The following OTP variants were observed in gnomAD, a reference collection of about 807,000 sequenced individuals.
OTP encodes the protein orthopedia homeobox, also known as homeobox protein orthopedia.
OTP carries 5 observed loss-of-function variants against 22.3 expected under a neutral mutation model. The ratio of observed to expected loss-of-function variants is 0.22; its 90% CI spans 0.12 to 0.47. The LOEUF (loss-of-function observed/expected upper bound fraction) is 0.47, where lower values mean the gene tolerates loss of function less well. Among genes scored for constraint, OTP ranks in the 20% least tolerant of loss-of-function variants. The pLI is 0.99. For missense variants in OTP, 428 were observed against 456.2 expected, an observed-to-expected ratio of 0.94 and a Z score of 0.56; for synonymous variants, 229 against 210.6, an observed-to-expected ratio of 1.09 and a Z score of -0.76.
chr5:77,637,094 C>A lies in OTP; in HGVS notation c.174G>T (p.Leu58=), dbSNP rs1440812317. 1.2e-6 allele frequency: 2 copies of A among 1,612,946 alleles called. No homozygotes were observed. Among genetic ancestry groups the A allele is most frequent in the African/African-American group, 1.3e-5 (1 of 74,940 alleles). ...CCACTGTGGTGATGTCCTCCCCGGG[C>A]AGCAGAGTGGCTCCCTCCACTGGGT... ...NSDPVEGATL[L]PGEDITTVGS... Residue 58 remains leucine (L), a synonymous_variant, in exon 2 of 3, where the codon CTG becomes CTT. Transcript: ENST00000306422.
At position 77,636,988 on chromosome 5, in the gene OTP, G is replaced by A; in HGVS notation, c.280C>T (p.Gln94Ter). The A allele has an allele frequency of 6.2e-7, 1 of 1,613,830 alleles. No individual in the cohort carries two copies. The highest frequency in any genetic ancestry group is 8.5e-7 in the Non-Finnish European group (1 of 1,179,930). The change falls in exon 2 of 3, where the codon CAA becomes TAA. Residue 94 changes from glutamine (Q) to a stop codon, truncating the protein, a stop_gained. Coordinates refer to ENST00000306422, the MANE Select transcript of OTP (RefSeq NM_032109.3). LOFTEE classifies it high-confidence loss of function. Reference sequence around the variant, plus strand: ...TGTTGGCCCTGCTGCTGGCCGGCTTGGCTGGGGTTCGGGCCGCCCTGGGGC... The same window carrying A: ...TGTTGGCCCTGCTGCTGGCCGGCTTAGCTGGGGTTCGGGCCGCCCTGGGGC... ...PGPQGGPNPS[Q>*]AGQQQGQQKQ...
rs1744903775 is a variant in OTP, at chr5:77,630,233, TGGGGGCGGAGCGGGCC to T, written c.*15_*30del. 3 of 1,452,334 alleles carry T rather than the reference TGGGGGCGGAGCGGGCC, an allele frequency of 2.1e-6. No individual in the cohort carries two copies. Among genetic ancestry groups the T allele is most frequent in the Non-Finnish European group, 2.7e-6 (3 of 1,101,392 alleles). The allele number at this position is 1,452,334 out of a possible 1,614,324, so 90.0% of individuals were successfully genotyped here. A position where few individuals can be genotyped will look rare whatever the true frequency, so the allele number is the denominator to read the frequency against. On this transcript the variant is annotated 3_prime_UTR_variant, in exon 3 of 3. Coordinates refer to ENST00000306422, the MANE Select transcript of OTP (RefSeq NM_032109.3). ...CTCGGGGCGGCCCCCGGGGCGGTGC[TGGGGGCGGAGCGGGCC>T]GGGGCGCGGCTGCATTAAGTGAAGC... is the stretch of plus-strand genomic sequence containing the variant.
At position 77,636,826 on chromosome 5, in the gene OTP, C is replaced by G. The variant is rs1469241933; in HGVS notation, c.442G>C (p.Val148Leu). ...AGATCCCAAGCCCCTCGTACCTGCACTCGGGACTCGGTCAGCCCGATACGC... is the reference window on the plus strand; with the variant it reads ...AGATCCCAAGCCCCTCGTACCTGCAGTCGGGACTCGGTCAGCCCGATACGC... ...ALRIGLTESR[V>L]QVWFQNRRAK... Residue 148 changes from valine (V) to leucine (L), a missense_variant, in exon 2 of 3, where the codon GTG becomes CTG. Val to Leu is a conservative substitution (Grantham distance 32). Transcript: ENST00000306422. 6.2e-7 allele frequency: 1 copy of G among 1,609,352 alleles called. No individual in the cohort carries two copies. Among genetic ancestry groups the G allele is most frequent in the Non-Finnish European group, 8.5e-7 (1 of 1,177,006 alleles).
chr5:77,637,987 G>A (rs982916533), intron 1 of OTP, among the ~76,000 whole-genome samples: 4 of 152,124 alleles, frequency 2.6e-5, no homozygotes, highest in Non-Finnish European at 4.4e-5. Context: ...GAAGAGGGGG[G>A]GATGACTGTG....
rs114201735 is a variant in OTP at position 77,633,302 on chromosome 5, A to G, written c.448-2508T>C. ...AATAATCGGAAAATCGTGCTCAATT[A>G]TGTTTGAGGGTTAGTAGTCAAATGA... On this transcript the variant is annotated intron_variant, in intron 2 of 2. Transcript: ENST00000306422. Among the ~76,000 whole-genome samples the G allele has an allele frequency of 4.6e-3, 703 of 152,266 alleles. 11 individuals are homozygous for G. The highest frequency in any genetic ancestry group is 0.016 in the African/African-American group (678 of 41,538).
In OTP at chr5:77,630,628, T is replaced by C. The variant is rs1243102631; in HGVS notation, c.614A>G (p.Asn205Ser). ...MGDSLCSFHA[N>S]DTRWAAAAMP... ...GGCGGCCGCCGCCCAGCGGGTGTCG[T>C]TGGCGTGGAAAGAGCACAGGCTGTC... The change falls in exon 3 of 3, where the codon AAC becomes AGC. Residue 205 changes from asparagine (N) to serine (S), a missense_variant. This residue lies in a region of OTP where 236 missense variants were observed against 238.1 expected (regional missense o/e 0.99). Coordinates refer to ENST00000306422, the MANE Select transcript of OTP (RefSeq NM_032109.3). The C allele has an allele frequency of 6.4e-7, 1 of 1,561,122 alleles. No individual in the cohort carries two copies. Among genetic ancestry groups the C allele is most frequent in the African/African-American group, 1.4e-5 (1 of 73,706 alleles).
chr5:77,630,552 C>T lies in OTP; in HGVS notation c.690G>A (p.Gln230=). Residue 230 remains glutamine (Q), a synonymous_variant, in exon 3 of 3, where the codon CAG becomes CAA. Coordinates refer to ENST00000306422, the MANE Select transcript of OTP (RefSeq NM_032109.3). ...ACTGGGACAGCGACTGCGCCATGGC[C>T]TGCTGCCTGCCCAGCGCCGGCGGCA... ...LPLPPALGRQ[Q]AMAQSLSQCS... is the part of the protein sequence containing the mutation. 1 of 1,572,956 alleles carries T rather than the reference C, an allele frequency of 6.4e-7. No individual in the cohort carries two copies. Among genetic ancestry groups the T allele is most frequent in the Non-Finnish European group, 8.6e-7 (1 of 1,163,100 alleles).
rs201543714 is a variant in OTP at position 77,630,256 on chromosome 5, C to T, written c.*8G>A. ...GCTGGGGGCGGAGCGGGCCGGGGCG[C>T]GGCTGCATTAAGTGAAGCTCATAGA... On this transcript the variant is annotated 3_prime_UTR_variant, in exon 3 of 3. Coordinates refer to ENST00000306422, the MANE Select transcript of OTP (RefSeq NM_032109.3). 206 of 1,506,684 alleles carry T rather than the reference C, an allele frequency of 1.4e-4. No homozygotes were observed. The African/African-American group carries it at 2.7e-3, about 20-fold the overall frequency. 93.3% of individuals were successfully genotyped at this position (1,506,684 alleles called of 1,614,324 possible). A position where few individuals can be genotyped will look rare whatever the true frequency, so the allele number is the denominator to read the frequency against.
chr5:77,632,932 A>C (rs2279010), intron 2 of OTP, among the ~76,000 whole-genome samples: 72,877 of 151,908 alleles, frequency 0.48, 17,705 homozygotes, highest in African/African-American at 0.52. Context: ...CCTAAGGCCG[A>C]AAGTCGCTGT....
At chr5:77,633,009 C>T (rs182429319) in intron 2 of OTP, among the ~76,000 whole-genome samples, 1 of 152,260 alleles carries the variant, frequency 6.6e-6, no homozygotes, top group East Asian at 1.9e-4. Context: ...AAACGGTTCC[C>T]ACACCTTACA....
chr5:77,636,606 C>G (rs1745011213), intron 2 of OTP: 1 of 524,844 alleles, frequency 1.9e-6, no homozygotes, highest in Non-Finnish European at 3.3e-6. Flanking sequence ...TCCGGGATGT[C>G]GCTATACTGG....
chr5:77,631,611 T>G (rs566695803), intron 2 of OTP, among the ~76,000 whole-genome samples: 2 of 135,380 alleles, frequency 1.5e-5, no homozygotes, highest in South Asian at 2.4e-4. Context: ...CAGGTTGGAG[T>G]GCAGTGGCAC....
Position 77,630,301 on chromosome 5 carries a change from T to C in OTP, c.941A>G (p.Lys314Arg). The change falls in exon 3 of 3, where the codon AAG (lysine) becomes AGG (arginine). Residue 314 changes from lysine to arginine, a missense_variant. Physicochemically the swap from Lys to Arg is conservative, Grantham distance 26. This residue lies in a region of OTP where 236 missense variants were observed against 238.1 expected (regional missense o/e 0.99). Coordinates refer to ENST00000306422, the MANE Select transcript of OTP (RefSeq NM_032109.3). ...CATAGAGACTGTGTGCTCTAGCGCC[T>C]TGCGGCGGAGGGAGGCGATGCTGGT... is the stretch of plus-strand genomic sequence containing the variant. Reference protein sequence around the residue: ...RGTSIASLRRKALEHTVSMSF... With the variant: ...RGTSIASLRRRALEHTVSMSF... 1.3e-6 allele frequency: 2 copies of C among 1,564,038 alleles called. No individual in the cohort carries two copies. Among genetic ancestry groups the C allele is most frequent in the Non-Finnish European group, 1.7e-6 (2 of 1,157,788 alleles).
Position 77,629,327 on chromosome 5 carries a change from C to G in OTP, c.*937G>C, listed in dbSNP as rs1175598058. 6.6e-6 allele frequency: 1 copy of G among 152,256 alleles called. No homozygotes were observed. Among genetic ancestry groups the G allele is most frequent in the Non-Finnish European group, 1.5e-5 (1 of 68,068 alleles). 9.4% of individuals were successfully genotyped at this position (152,256 alleles called of 1,614,324 possible). ...ACTCCAGCCACCCAATCCACTGTCA[C>G]GTTCCTCCTGAGAAGCCTTCCCTTC... is the stretch of plus-strand genomic sequence containing the variant. On this transcript the variant is annotated 3_prime_UTR_variant, in exon 3 of 3. Transcript: ENST00000306422.
chr5:77,637,105 C>T lies in OTP; in HGVS notation c.163G>A (p.Ala55Thr), dbSNP rs1304880174. ...ATGTCCTCCCCGGGCAGCAGAGTGG[C>T]TCCCTCCACTGGGTCAGAGTTGGGC... ...LAPNSDPVEG[A>T]TLLPGEDITT... Residue 55 changes from alanine (A) to threonine (T), a missense_variant, in exon 2 of 3, where the codon GCC becomes ACC. Ala to Thr is a moderately conservative substitution (Grantham distance 58). Coordinates refer to ENST00000306422, the MANE Select transcript of OTP (RefSeq NM_032109.3). The T allele has an allele frequency of 1.2e-6, 2 of 1,612,232 alleles. No homozygotes were observed. The highest frequency in any genetic ancestry group is 4.5e-5 in the East Asian group (2 of 44,830).
chr5:77,633,977 T>G (rs750593631), intron 2 of OTP, among the ~76,000 whole-genome samples: 13 of 152,152 alleles, frequency 8.5e-5, no homozygotes, highest in African/African-American at 1.7e-4. Context: ...CAATTTCTCA[T>G]TCCATTAGAA....
At chr5:77,631,051 C>A (rs1744922432) in intron 2 of OTP, among the ~76,000 whole-genome samples, 1 of 152,262 alleles carries the variant, frequency 6.6e-6, no homozygotes. Flanking sequence ...AGAGTTTACG[C>A]ACTGTGCAAA....
At chr5:77,632,307 G>A (rs760077316) in intron 2 of OTP, among the ~76,000 whole-genome samples, 1 of 152,174 alleles carries the variant, frequency 6.6e-6, no homozygotes, top group East Asian at 1.9e-4. Context: ...TTGCCAGCAA[G>A]CCTGCCTGGA....
chr5:77,637,764 C>G (rs1453523523), intron 1 of OTP, among the ~76,000 whole-genome samples: 1 of 152,174 alleles, frequency 6.6e-6, no homozygotes, highest in East Asian at 1.9e-4. Context: ...GCCTCCCCCT[C>G]AAATCAGAGA....
Sources: gnomAD v4.1 joint callset for allele counts (sites outside exome capture counted in the v4.1 genomes callset) on GRCh38, gnomAD v4.1.1 for gene constraint, gnomAD v4.1.1 regional missense constraint, MANE v1.5 for transcripts, NCBI Gene and HGNC (gene_info 2026-07-23, HGNC 2026-07-21) for gene names.